PDE6A: variants seen among roughly 807,000 people sequenced by gnomAD.
PDE6A encodes the protein phosphodiesterase 6A.
Under a neutral mutation model 106.3 loss-of-function variants are expected in PDE6A, and 84 were observed. That is an observed-to-expected ratio of 0.79 (90% CI 0.66 to 0.95). The LOEUF (loss-of-function observed/expected upper bound fraction) is 0.95. Among genes scored for constraint, PDE6A ranks in the 40% least tolerant of loss-of-function variants. The probability of loss-of-function intolerance (pLI) is 0.00; values close to 1 mark genes in which losing one functional copy is unlikely to be tolerated. For synonymous variants in PDE6A, 394 were observed against 386.6 expected (o/e 1.02, Z -0.23); for missense variants, 1,052 against 1,084.9 (o/e 0.97, Z 0.43).
At chr5:149,891,873 C>T (rs1752558309) in intron 13 of PDE6A, among the ~76,000 whole-genome samples, 1 of 152,074 alleles carries the variant, frequency 6.6e-6, no homozygotes, top group Admixed American at 6.6e-5. Flanking sequence ...AAATCTCAGG[C>T]AACACATTTC....
rs1760123566 is a variant in PDE6A at position 149,861,068 on chromosome 5, G to C, written c.2507-97C>G. On this transcript the variant is annotated intron_variant, in intron 21 of 21. Coordinates refer to ENST00000255266, the MANE Select transcript of PDE6A (RefSeq NM_000440.3). Reference sequence around the variant, plus strand: ...TGGACCAAGAGTTGCAAACTCAAAGGCTTTCAGTGGCCAACAGATAACAAC... The same window carrying C: ...TGGACCAAGAGTTGCAAACTCAAAGCCTTTCAGTGGCCAACAGATAACAAC... 6.0e-6 allele frequency: 6 copies of C among 994,784 alleles called. No individual in the cohort carries two copies. In the South Asian group the frequency reaches 8.2e-5, roughly 14 times the overall value. The allele number at this position is 994,784 out of a possible 1,614,324, so 61.6% of individuals were successfully genotyped here.
Position 149,934,680 on chromosome 5 carries a change from C to T in PDE6A, c.513G>A (p.Glu171=). Residue 171 remains glutamate, a synonymous_variant, in exon 2 of 22, where the codon GAG becomes GAA. Coordinates refer to ENST00000255266, the MANE Select transcript of PDE6A (RefSeq NM_000440.3). The stretch of plus-strand genomic sequence containing the variant: ...AAGCCAAGATGTTCTTGGTCTTGTA[C>T]TCTGTGAGGATGTCCACAAAGTCAC... ...HFCDFVDILT[E]YKTKNILASP... 6.2e-7 allele frequency: 1 copy of T among 1,614,062 alleles called. No homozygotes were observed. Among genetic ancestry groups the T allele is most frequent in the African/African-American group, 1.3e-5 (1 of 75,044 alleles).
intron 10 of PDE6A, among the ~76,000 whole-genome samples, chr5:149,897,934 G>T (rs939329898): frequency 6.6e-6 from 1 of 152,196 alleles, no homozygotes; most frequent in Non-Finnish European, 1.5e-5. Context: ...GAGGCTCTGA[G>T]AAACTGATAA....
chr5:149,938,370 T>A (rs1229684945), intron 1 of PDE6A, among the ~76,000 whole-genome samples: 1 of 152,208 alleles, frequency 6.6e-6, no homozygotes, highest in African/African-American at 2.4e-5. Context: ...TGAGAGGGTC[T>A]ACAAATGACG....
At chr5:149,883,343 TG>T (rs1761001241) in intron 17 of PDE6A, 85 bp downstream of exon 17, 3 of 882,892 alleles carry the variant, frequency 3.4e-6, no homozygotes, top group Non-Finnish European at 5.7e-6. Flanking sequence ...TCCCAAGGCT[TG>T]TTGAGGGCAG....
chr5:149,886,138 A>AGGGCAGAAGGCGGT, intron 14 of PDE6A, 127 bp downstream of exon 14: 1 of 733,740 alleles, frequency 1.4e-6, no homozygotes, highest in East Asian at 2.7e-5. Context: ...CCGGATCCCA[A>AGGGCAGAAGGCGGT]GGGCAGAAGG....
At chr5:149,890,207 T>C (rs990142669) in intron 13 of PDE6A, among the ~76,000 whole-genome samples, 1 of 152,050 alleles carries the variant, frequency 6.6e-6, no homozygotes, top group Non-Finnish European at 1.5e-5. Context: ...TCCACCTACC[T>C]CAGTCTCCCA....
intron 1 of PDE6A, among the ~76,000 whole-genome samples, chr5:149,935,696 T>G (rs966284316): frequency 2.6e-5 from 4 of 152,222 alleles, no homozygotes; most frequent in African/African-American, 9.6e-5. Context: ...GCTTGAATTG[T>G]TCTCTTAAAT....
chr5:149,906,457 C>T (rs1046021623), intron 7 of PDE6A, among the ~76,000 whole-genome samples: 1 of 136,140 alleles, frequency 7.3e-6, no homozygotes, highest in African/African-American at 2.8e-5. Flanking sequence ...GCCCAGGAGG[C>T]GGAGGTTGCA....
chr5:149,880,627 C>G (rs1451944450), intron 17 of PDE6A, among the ~76,000 whole-genome samples: 2 of 151,522 alleles, frequency 1.3e-5, no homozygotes, highest in Non-Finnish European at 2.9e-5. Context: ...GCAGGAGAAG[C>G]CCTTGAACTC....
rs1040141344 is a variant in PDE6A, at chr5:149,934,019, T to C, written c.628A>G (p.Ile210Val). 2.6e-6 allele frequency: 4 copies of C among 1,561,102 alleles called. No individual in the cohort carries two copies. Among genetic ancestry groups the C allele is most frequent in the South Asian group, 1.1e-5 (1 of 89,746 alleles). ...GSHFTKRDEE[I>V]LLKYLNFANL... ...GCAAAATTGAGGTACTTGAGAAGAA[T>C]CTAAAAATCAAACAGCATGAGGGGA... Residue 210 changes from isoleucine to valine, a missense_variant and splice_region_variant, in exon 3 of 22, where the codon ATT (isoleucine) becomes GTT (valine). By Grantham distance (29) the Ile-to-Val change is conservative. This residue lies in a region of PDE6A where 913 missense variants were observed against 915.2 expected (regional missense o/e 1.00). Transcript: ENST00000255266.
intron 8 of PDE6A, among the ~76,000 whole-genome samples, chr5:149,902,678 C>A (rs1163926676): frequency 6.6e-6 from 1 of 151,802 alleles, no homozygotes; most frequent in African/African-American, 2.4e-5. Flanking sequence ...AAAAATTAGC[C>A]GGGCGTAGTG....
intron 4 of PDE6A, among the ~76,000 whole-genome samples, chr5:149,922,363 G>A (rs1455384332): frequency 6.6e-6 from 1 of 152,034 alleles, no homozygotes; most frequent in African/African-American, 2.4e-5. Flanking sequence ...CCAGGCTGGA[G>A]TGCAGTGGCT....
In PDE6A at chr5:149,896,452, G is replaced by A; in HGVS notation, c.1524C>T (p.Phe508=). The A allele has an allele frequency of 1.2e-6, 2 of 1,613,944 alleles. No individual in the cohort carries two copies. Among genetic ancestry groups the A allele is most frequent in the Admixed American group, 1.7e-5 (1 of 60,018 alleles). Residue 508 remains phenylalanine (F), a synonymous_variant, in exon 12 of 22, where the codon TTC becomes TTT. Coordinates refer to ENST00000255266, the MANE Select transcript of PDE6A (RefSeq NM_000440.3). ...CCAGTTCTGTTAGGGGTAAGTCACT[G>A]AAGTGAAATTTATTAATTTCGTATT... ...ADKYEINKFH[F]SDLPLTELEL... is the part of the protein sequence containing the mutation.
At chr5:149,914,892 G>A (rs1157658723) in intron 6 of PDE6A, 51 bp downstream of exon 6, 1 of 1,205,560 alleles carries the variant, frequency 8.3e-7, no homozygotes, top group South Asian at 1.2e-5. Flanking sequence ...AGCCAATTGA[G>A]ATCTTTAAGC....
At chr5:149,944,120 C>T in intron 1 of PDE6A, 80 bp downstream of exon 1, 1 of 1,051,180 alleles carries the variant, frequency 9.5e-7, no homozygotes, top group Non-Finnish European at 1.5e-6. Context: ...TCTTGGTGGC[C>T]AATGCCCCTC....
intron 18 of PDE6A, 88 bp from the exon 19 acceptor site, chr5:149,867,887 C>A: frequency 7.5e-7 from 1 of 1,340,148 alleles, no homozygotes. Context: ...AATTCCAAAT[C>A]AACAAAAAGG....
At chr5:149,893,564 G>A (rs1348077272) in intron 13 of PDE6A, among the ~76,000 whole-genome samples, 1 of 152,150 alleles carries the variant, frequency 6.6e-6, no homozygotes, top group African/African-American at 2.4e-5. Flanking sequence ...TACCTATGTG[G>A]GTATGAGTAA....
Position 149,866,165 on chromosome 5 carries a change from C to T in PDE6A, c.2358+5G>A, listed in dbSNP as rs894410245. 1 of 1,606,412 alleles carries T rather than the reference C, an allele frequency of 6.2e-7. No homozygotes were observed. Among genetic ancestry groups the T allele is most frequent in the African/African-American group, 1.3e-5 (1 of 74,752 alleles). ...TTGTTGCGGCTGAGGAAGCCAAGGG[C>T]CTACCTTGTAGACGAAGGTGCAAAC... On this transcript the variant is annotated splice_donor_5th_base_variant and intron_variant, in intron 20 of 21. Coordinates refer to ENST00000255266, the MANE Select transcript of PDE6A (RefSeq NM_000440.3).
Sources: allele counts gnomAD v4.1 joint callset (sites outside exome capture counted in the v4.1 genomes callset), GRCh38; gene constraint gnomAD v4.1.1; regional missense constraint gnomAD v4.1.1; transcripts MANE v1.5; gene names NCBI Gene and HGNC (gene_info 2026-07-23, HGNC 2026-07-21).